Variants in ATP6V1C1 observed in about 807,000 individuals in gnomAD.
ATP6V1C1 encodes V-type proton ATPase subunit C 1.
A neutral mutation model predicts 53.9 loss-of-function variants in ATP6V1C1; 45 were observed. The observed-to-expected ratio is 0.83, with a 90% CI of 0.66 to 1.07. The LOEUF is 1.07. Ranked by LOEUF, ATP6V1C1 falls within the 50% of genes least tolerant of loss-of-function variation. The probability of loss-of-function intolerance (pLI) is 0.00; values close to 1 mark genes in which losing one functional copy is unlikely to be tolerated. For missense variants in ATP6V1C1, 315 were observed against 440.3 expected, an observed-to-expected ratio of 0.72 and a Z score of 2.55; for synonymous variants, 153 against 155.2, an observed-to-expected ratio of 0.99 and a Z score of 0.11.
rs936036964 is a variant in ATP6V1C1, at chr8:103,069,412, C to A, written c.*665C>A. 6.6e-6 allele frequency: 1 copy of A among 152,088 alleles called. No individual in the cohort carries two copies. Among genetic ancestry groups the A allele is most frequent in the South Asian group, 2.1e-4 (1 of 4,820 alleles). 9.4% of individuals were successfully genotyped at this position (152,088 alleles called of 1,614,324 possible). On this transcript the variant is annotated 3_prime_UTR_variant, in exon 13 of 13. Transcript: ENST00000518738. ...GTAACCATTTGTGTTGTCTGACTTT[C>A]GTATGATTTAATTGAGCCAAATTTG...
Position 103,040,738 on chromosome 8 carries a change from G to C in ATP6V1C1, c.-39-60G>C. 2.1e-6 allele frequency: 3 copies of C among 1,437,446 alleles called. No individual in the cohort carries two copies. The African/African-American group carries it at 4.3e-5, about 21-fold the overall frequency. 89.0% of individuals were successfully genotyped at this position (1,437,446 alleles called of 1,614,324 possible). ...ATGTTATAACTTCTCCTATGATTCTGAAACACTTTAGAAACAAATGATTTT... is the reference window on the plus strand; with the variant it reads ...ATGTTATAACTTCTCCTATGATTCTCAAACACTTTAGAAACAAATGATTTT... On this transcript the variant is annotated intron_variant, in intron 1 of 12. Coordinates refer to ENST00000518738, the MANE Select transcript of ATP6V1C1 (RefSeq NM_001695.5).
intron 5 of ATP6V1C1, among the ~76,000 whole-genome samples, chr8:103,052,423 T>G (rs568578897): frequency 2.3e-4 from 35 of 152,252 alleles, no homozygotes; most frequent in African/African-American, 8.2e-4. Context: ...TGAAGCCTTG[T>G]AAATAGTAAT....
intron 12 of ATP6V1C1, 25 bp downstream of exon 12, chr8:103,066,472 G>C: frequency 6.6e-7 from 1 of 1,518,538 alleles, no homozygotes; most frequent in Non-Finnish European, 8.8e-7. Context: ...GCCCAGTAGA[G>C]TAAGAATTGA....
chr8:103,042,429 A>G (rs764305377), intron 3 of ATP6V1C1, 22 bp downstream of exon 3: 32 of 1,605,622 alleles, frequency 2.0e-5, no homozygotes, highest in Non-Finnish European at 2.7e-5. Flanking sequence ...ATATGCATGG[A>G]GTAGAGCAAA....
At chr8:103,054,796 C>T (rs190210034) in intron 7 of ATP6V1C1, among the ~76,000 whole-genome samples, 7 of 152,138 alleles carry the variant, frequency 4.6e-5, no homozygotes, top group African/African-American at 1.7e-4. Context: ...TTGGGGGATC[C>T]AAACTCAGGT....
At chr8:103,055,731 T>G (rs1817279526) in intron 7 of ATP6V1C1, 137 bp from the exon 8 acceptor site, 1 of 698,818 alleles carries the variant, frequency 1.4e-6, no homozygotes, top group Non-Finnish European at 2.3e-6. Context: ...AAACCCGAAT[T>G]TTTTTTGTTA....
intron 2 of ATP6V1C1, among the ~76,000 whole-genome samples, chr8:103,041,828 T>C (rs1048944767): frequency 6.6e-6 from 1 of 152,142 alleles, no homozygotes; most frequent in Non-Finnish European, 1.5e-5. Context: ...GCCAAGATCA[T>C]ACCACTGCAC....
Position 103,069,883 on chromosome 8 carries a change from A to G in ATP6V1C1, c.*1136A>G, listed in dbSNP as rs1817555733. ...CCAAAATCTTTTGTTTCAAAATATT[A>G]TATTATTTCATAAATAATTTCAAGC... is the stretch of plus-strand genomic sequence containing the variant. On this transcript the variant is annotated 3_prime_UTR_variant, in exon 13 of 13. Transcript: ENST00000518738. 6.6e-6 allele frequency: 1 copy of G among 152,196 alleles called. No individual in the cohort carries two copies. The highest frequency in any genetic ancestry group is 6.5e-5 in the Admixed American group (1 of 15,282). The allele number at this position is 152,196 out of a possible 1,614,324, so 9.4% of individuals were successfully genotyped here. A position where few individuals can be genotyped will look rare whatever the true frequency, so the allele number is the denominator to read the frequency against.
At chr8:103,053,552 A>G (rs889696404) in intron 6 of ATP6V1C1, among the ~76,000 whole-genome samples, 1 of 151,996 alleles carries the variant, frequency 6.6e-6, no homozygotes, top group African/African-American at 2.4e-5. Context: ...TAGTTTCATA[A>G]TTATATGATG....
intron 8 of ATP6V1C1, among the ~76,000 whole-genome samples, chr8:103,059,516 C>T (rs1242127177): frequency 6.6e-6 from 1 of 151,774 alleles, no homozygotes; most frequent in African/African-American, 2.4e-5. Flanking sequence ...CCTTGCACCC[C>T]CCTCCCCCCA....
chr8:103,065,251 A>T (rs1172683092), intron 11 of ATP6V1C1, among the ~76,000 whole-genome samples: 1 of 152,238 alleles, frequency 6.6e-6, no homozygotes, highest in Non-Finnish European at 1.5e-5. Context: ...CATATTAGAA[A>T]TAGTTTTAAA....
rs1297330082 is a variant in ATP6V1C1 at position 103,029,347 on chromosome 8, G to A, written c.-40+8122G>A. Among the ~76,000 whole-genome samples the A allele has an allele frequency of 3.3e-5, 5 of 150,224 alleles. No homozygotes were observed. The South Asian group carries it at 6.3e-4, about 19-fold the overall frequency. ...GTGAGAGGCGTGATCTTGGCTCACTGCAACCTCTGCCTCCTGGGTTCAAGC... is the reference window on the plus strand; with the variant it reads ...GTGAGAGGCGTGATCTTGGCTCACTACAACCTCTGCCTCCTGGGTTCAAGC... On this transcript the variant is annotated intron_variant, in intron 1 of 12. Transcript: ENST00000518738.
chr8:103,040,464 T>C (rs1816976486), intron 1 of ATP6V1C1, among the ~76,000 whole-genome samples: 1 of 152,056 alleles, frequency 6.6e-6, no homozygotes, highest in South Asian at 2.1e-4. Context: ...ACTCTCCAGC[T>C]TTGTTGGTTG....
chr8:103,063,113 GT>G (rs532272873), intron 9 of ATP6V1C1, 21 bp from the exon 10 acceptor site: 65 of 1,606,814 alleles, frequency 4.0e-5, no homozygotes, highest in African/African-American at 2.7e-5. Context: ...GAACAATTTT[GT>G]TTTTTTTCCC....
intron 2 of ATP6V1C1, among the ~76,000 whole-genome samples, chr8:103,041,595 G>A (rs1432410042): frequency 1.3e-5 from 2 of 152,116 alleles, no homozygotes; most frequent in Admixed American, 1.3e-4. Flanking sequence ...TTCTTGGTGG[G>A]GCATCATGGC....
Position 103,064,817 on chromosome 8 carries a change from G to T in ATP6V1C1, c.926+6G>T, listed in dbSNP as rs1817460946. The T allele has an allele frequency of 6.2e-7, 1 of 1,609,664 alleles. No homozygotes were observed. The highest frequency in any genetic ancestry group is 1.7e-5 in the Admixed American group (1 of 58,976). On this transcript the variant is annotated splice_donor_region_variant and intron_variant, in intron 11 of 12. Coordinates refer to ENST00000518738, the MANE Select transcript of ATP6V1C1 (RefSeq NM_001695.5). ...TTCGTTGAGTCTGTTTTAAGGTAAA[G>T]CAAGTTAATTGCCAAACTTGGAACT...
intron 11 of ATP6V1C1, among the ~76,000 whole-genome samples, chr8:103,066,011 C>T (rs1020898386): frequency 6.6e-6 from 1 of 151,902 alleles, no homozygotes; most frequent in African/African-American, 2.4e-5. Context: ...CACTGCACTC[C>T]AGCCTGGCAA....
chr8:103,048,001 G>T (rs144070104), intron 3 of ATP6V1C1, among the ~76,000 whole-genome samples: 1 of 152,318 alleles, frequency 6.6e-6, no homozygotes, highest in Non-Finnish European at 1.5e-5. Context: ...AATGTGTGAA[G>T]GTAGTGATTT....
intron 5 of ATP6V1C1, among the ~76,000 whole-genome samples, chr8:103,052,046 G>T (rs1444149689): frequency 6.6e-6 from 1 of 152,012 alleles, no homozygotes; most frequent in Non-Finnish European, 1.5e-5. Context: ...AATATAAAGT[G>T]GTGTTCTTAC....
Sources: allele counts gnomAD v4.1 joint callset (sites outside exome capture counted in the v4.1 genomes callset), GRCh38; gene constraint gnomAD v4.1.1; transcripts MANE v1.5; gene names NCBI Gene and HGNC (gene_info 2026-07-23, HGNC 2026-07-21).